CEP162: variants seen among roughly 807,000 people sequenced by gnomAD.
The protein encoded by CEP162 is centrosomal protein of 162 kDa.
In CEP162, 141 loss-of-function variants were observed where a neutral mutation model predicts 169.2. That is an observed-to-expected ratio of 0.83 (90% confidence interval 0.73 to 0.96). The LOEUF (loss-of-function observed/expected upper bound fraction) is 0.96. Ranked by LOEUF, CEP162 falls within the 40% of genes least tolerant of loss-of-function variation. The probability of loss-of-function intolerance (pLI) is 0.00; values close to 1 mark genes in which losing one functional copy is unlikely to be tolerated. For synonymous variants in CEP162, 540 were observed against 526.4 expected (o/e 1.03, Z -0.35); for missense variants, 1,600 against 1,587.2 (o/e 1.01, Z -0.14).
chr6:84,131,119 T>C (rs2099511192), intron 25 of CEP162, among the ~76,000 whole-genome samples: 1 of 152,226 alleles, frequency 6.6e-6, no homozygotes, highest in South Asian at 2.1e-4. Context: ...ATTTATCCAG[T>C]AGTCCTTCAG....
intron 13 of CEP162, among the ~76,000 whole-genome samples, chr6:84,177,940 G>A (rs2099533072): frequency 1.3e-5 from 2 of 152,188 alleles, no homozygotes; most frequent in South Asian, 2.1e-4. Context: ...TAGTGGCCAA[G>A]TTGAGATTAG....
intron 11 of CEP162, among the ~76,000 whole-genome samples, chr6:84,189,300 C>T (rs2099538649): frequency 6.6e-6 from 1 of 152,304 alleles, no homozygotes. Flanking sequence ...CCCCACTGCA[C>T]TGTGGGAGCC....
chr6:84,215,471 T>A lies in CEP162; in HGVS notation c.320-6A>T. 1 of 1,552,304 alleles carries A rather than the reference T, an allele frequency of 6.4e-7. No homozygotes were observed. Among genetic ancestry groups the A allele is most frequent in the Non-Finnish European group, 8.7e-7 (1 of 1,152,330 alleles). On this transcript the variant is annotated splice_polypyrimidine_tract_variant and splice_region_variant and intron_variant, in intron 4 of 26. Transcript: ENST00000403245. ...GAGCTCAGAAACTACTAGTTCTAAA[T>A]GGAAAGCACAAATATATTTTAGTAA...
At chr6:84,145,945 C>T (rs1020649163) in intron 25 of CEP162, among the ~76,000 whole-genome samples, 2 of 152,090 alleles carry the variant, frequency 1.3e-5, no homozygotes, top group African/African-American at 4.8e-5. Context: ...CATAGAAATG[C>T]CTCTTATTAG....
intron 6 of CEP162, among the ~76,000 whole-genome samples, chr6:84,211,476 G>A (rs1190398106): frequency 1.4e-5 from 2 of 141,450 alleles, no homozygotes; most frequent in Admixed American, 7.4e-5. Context: ...GCAGTTAGCC[G>A]AGATGGTATC....
chr6:84,220,970 A>G (rs2127756332), intron 3 of CEP162, 87 bp downstream of exon 3: 2 of 677,686 alleles, frequency 3.0e-6, no homozygotes, highest in East Asian at 5.1e-5. Context: ...TTTTCTGTAT[A>G]TATTTATAGT....
rs1410983656 is a variant in CEP162 at position 84,194,892 on chromosome 6, ATAG to A, written c.1016_1018del (p.Thr339del). 1 of 1,606,268 alleles carries A rather than the reference ATAG, an allele frequency of 6.2e-7. No homozygotes were observed. Among genetic ancestry groups the A allele is most frequent in the African/African-American group, 1.3e-5 (1 of 74,606 alleles). On this transcript the variant is annotated inframe_deletion, in exon 10 of 27. Transcript: ENST00000403245. ...CATCTGTAAGTTTTTACCAGATTCCATAGTAGAGATGTTTTTTGAATTCTCTTC... is the reference window on the plus strand; with the variant it reads ...CATCTGTAAGTTTTTACCAGATTCCATAGAGATGTTTTTTGAATTCTCTTC...
chr6:84,193,762 CA>C lies in CEP162; in HGVS notation c.1028-73del, dbSNP rs1340788102. ...GCTTAATTTACATGTGTAATAACAC[CA>C]AAATTATATTTTCTCTGACACAGTT... On this transcript the variant is annotated intron_variant, in intron 10 of 26. Coordinates refer to ENST00000403245, the MANE Select transcript of CEP162 (RefSeq NM_014895.4). The C allele has an allele frequency of 9.0e-6, 7 of 779,694 alleles. No individual in the cohort carries two copies. In the African/African-American group the frequency reaches 1.1e-4, roughly 12 times the overall value. The allele number at this position is 779,694 out of a possible 1,614,324, so 48.3% of individuals were successfully genotyped here. A position where few individuals can be genotyped will look rare whatever the true frequency, so the allele number is the denominator to read the frequency against.
At chr6:84,223,866 A>G (rs2099554702) in intron 2 of CEP162, among the ~76,000 whole-genome samples, 2 of 152,206 alleles carry the variant, frequency 1.3e-5, no homozygotes, top group South Asian at 4.1e-4. Context: ...AGATTGCACC[A>G]CAGCACTCCA....
At position 84,161,812 on chromosome 6, in the gene CEP162, T is replaced by C. The variant is rs1307564318; in HGVS notation, c.2610A>G (p.Glu870=). The change falls in exon 20 of 27, where the codon GAA becomes GAG. Residue 870 remains glutamate, a synonymous_variant. Transcript: ENST00000403245. The part of the protein sequence containing the change: ...KRLQWYAENQ[E]LLDKDALRLR... ...GCCGAAGTGCATCTTTATCCAGAAG[T>C]TCCTGATTTTCAGCATACCACTGTA... 6 of 1,601,996 alleles carry C rather than the reference T, an allele frequency of 3.7e-6. No homozygotes were observed. Among genetic ancestry groups the C allele is most frequent in the Admixed American group, 3.4e-5 (2 of 58,530 alleles).
chr6:84,126,555 G>C, intron 25 of CEP162, 43 bp from the exon 26 acceptor site: 1 of 1,314,600 alleles, frequency 7.6e-7, no homozygotes, highest in South Asian at 1.5e-5. Flanking sequence ...ATAATCACAA[G>C]AATTTAACAG....
chr6:84,135,438 C>G (rs970956100), intron 25 of CEP162, among the ~76,000 whole-genome samples: 1 of 149,008 alleles, frequency 6.7e-6, no homozygotes, highest in Admixed American at 6.6e-5. Flanking sequence ...ACAATCTGTG[C>G]GTAGCCCAGA....
intron 25 of CEP162, among the ~76,000 whole-genome samples, chr6:84,137,767 G>GAAT (rs2099514782): frequency 6.6e-6 from 1 of 152,004 alleles, no homozygotes; most frequent in South Asian, 2.1e-4. Context: ...AATCTATGAT[G>GAAT]AATACTAAAA....
intron 11 of CEP162, among the ~76,000 whole-genome samples, chr6:84,189,183 C>G (rs979982025): frequency 3.9e-5 from 6 of 151,926 alleles, no homozygotes; most frequent in Non-Finnish European, 8.8e-5. Flanking sequence ...TCCCGAGTAG[C>G]TGGTGAGAGG....
chr6:84,221,204 T>C (rs755387194), intron 2 of CEP162, 33 bp from the exon 3 acceptor site: 2 of 1,049,466 alleles, frequency 1.9e-6, no homozygotes, highest in South Asian at 1.3e-5. Flanking sequence ...AATTTGAAAA[T>C]ACAGTGTAAA....
intron 13 of CEP162, among the ~76,000 whole-genome samples, chr6:84,176,411 A>G (rs539487345): frequency 2.6e-5 from 4 of 152,230 alleles, no homozygotes; most frequent in Non-Finnish European, 5.9e-5. Flanking sequence ...AAAAGTGTTC[A>G]TGAAGAGACT....
intron 11 of CEP162, among the ~76,000 whole-genome samples, chr6:84,191,507 C>T (rs891094045): frequency 1.3e-5 from 2 of 152,192 alleles, no homozygotes; most frequent in Non-Finnish European, 2.9e-5. Flanking sequence ...CTTTTCCTTG[C>T]TGAAAGGGTG....
chr6:84,137,068 G>A (rs1485170070), intron 25 of CEP162, among the ~76,000 whole-genome samples: 1 of 152,194 alleles, frequency 6.6e-6, no homozygotes, highest in Non-Finnish European at 1.5e-5. Context: ...TGGAGCATGC[G>A]GCATCTAAAC....
At chr6:84,162,261 C>T (rs951281808) in intron 19 of CEP162, among the ~76,000 whole-genome samples, 3 of 152,040 alleles carry the variant, frequency 2.0e-5, no homozygotes, top group Admixed American at 6.6e-5. Flanking sequence ...GAAGAACGCC[C>T]ATAATTATAC....
Sources: allele counts gnomAD v4.1 joint callset (sites outside exome capture counted in the v4.1 genomes callset), GRCh38; gene constraint gnomAD v4.1.1; transcripts MANE v1.5; gene names NCBI Gene and HGNC (gene_info 2026-07-23, HGNC 2026-07-21).